Variants in PLCB1 observed in about 807,000 individuals in gnomAD.
The protein encoded by PLCB1 is 1-phosphatidylinositol 4,5-bisphosphate phosphodiesterase beta-1.
A neutral mutation model predicts 161.8 loss-of-function variants in PLCB1; 46 were observed. That is an observed-to-expected ratio of 0.28 (90% CI 0.22 to 0.36). PLCB1 has a LOEUF of 0.36. PLCB1 is among the 10% of genes least tolerant of loss of function. The pLI is 1.00. For synonymous variants in PLCB1, 517 were observed against 503.7 expected (o/e 1.03, Z -0.35); for missense variants, 1,016 against 1,472.5 (o/e 0.69, Z 5.07).
At chr20:8,866,436 C>T (rs966607532) in intron 31 of PLCB1, among the ~76,000 whole-genome samples, 1 of 152,132 alleles carries the variant, frequency 6.6e-6, no homozygotes, top group African/African-American at 2.4e-5. Flanking sequence ...ACTATCAAGT[C>T]CAAAGACAGA....
At chr20:8,355,221 G>A (rs1986326327) in intron 2 of PLCB1, among the ~76,000 whole-genome samples, 1 of 149,722 alleles carries the variant, frequency 6.7e-6, no homozygotes, top group South Asian at 2.1e-4. Flanking sequence ...AGTGGTATTT[G>A]TCTTAAAAAA....
At chr20:8,449,136 TAAGAA>T (rs1440967026) in intron 3 of PLCB1, among the ~76,000 whole-genome samples, 6 of 152,216 alleles carry the variant, frequency 3.9e-5, no homozygotes, top group African/African-American at 1.2e-4. Context: ...TGTTTAGAGA[TAAGAA>T]AATAAAAACA....
At chr20:8,644,526 C>T (rs866869941) in intron 4 of PLCB1, among the ~76,000 whole-genome samples, 439 of 150,892 alleles carry the variant, frequency 2.9e-3, no homozygotes, top group African/African-American at 0.01. Flanking sequence ...GCCCGGCCGC[C>T]CCGTCTGAGA....
rs187895613 is a variant in PLCB1, at chr20:8,372,337, C to T, written c.246+887C>T. Among the ~76,000 whole-genome samples, 1,427 of 152,048 alleles carry T rather than the reference C, an allele frequency of 9.4e-3. 12 individuals carry two copies. The highest frequency in any genetic ancestry group is 0.012 in the Non-Finnish European group (794 of 67,982). On this transcript the variant is annotated intron_variant, in intron 3 of 31. Coordinates refer to ENST00000338037, the MANE Select transcript of PLCB1 (RefSeq NM_015192.4). ...TCTCTGACATTAAAATGATCTGTTG[C>T]TTTGGAGATGCAAGAAAAAAAAATC...
chr20:8,218,268 A>G (rs1979232972), intron 2 of PLCB1, among the ~76,000 whole-genome samples: 1 of 152,100 alleles, frequency 6.6e-6, no homozygotes. Flanking sequence ...AGTGTTAGAG[A>G]TGGGAGTATC....
intron 2 of PLCB1, among the ~76,000 whole-genome samples, chr20:8,297,890 G>T (rs1983709738): frequency 9.8e-6 from 1 of 101,554 alleles, no homozygotes. Flanking sequence ...ATTTCTTTTT[G>T]GGTTTTTTTT....
chr20:8,383,457 C>T lies in PLCB1; in HGVS notation c.246+12007C>T, dbSNP rs141381280. On this transcript the variant is annotated intron_variant, in intron 3 of 31. Coordinates refer to ENST00000338037, the MANE Select transcript of PLCB1 (RefSeq NM_015192.4). ...GCATGTGAGATGGGTCTCCTGAATA[C>T]GGCATACCGATGGGTCTTGACTCTA... Among the ~76,000 whole-genome samples, 376 of 152,196 alleles carry T rather than the reference C, an allele frequency of 2.5e-3. 8 individuals are homozygous for T. The East Asian group carries it at 0.06, about 24-fold the overall frequency.
intron 3 of PLCB1, among the ~76,000 whole-genome samples, chr20:8,477,433 G>C (rs1206629659): frequency 6.6e-6 from 1 of 152,158 alleles, no homozygotes; most frequent in Non-Finnish European, 1.5e-5. Flanking sequence ...TGAGGCATCT[G>C]AAATAGTATA....
intron 9 of PLCB1, among the ~76,000 whole-genome samples, chr20:8,660,006 A>AAAAG (rs1568550065): frequency 6.6e-6 from 1 of 151,426 alleles, no homozygotes; most frequent in African/African-American, 2.4e-5. Context: ...AAAAAAAAAA[A>AAAAG]AAGAAGAAGA....
intron 2 of PLCB1, among the ~76,000 whole-genome samples, chr20:8,260,851 G>A (rs1981651899): frequency 6.6e-6 from 1 of 152,100 alleles, no homozygotes; most frequent in Non-Finnish European, 1.5e-5. Flanking sequence ...ACTCATAGCT[G>A]CCCCCATTCT....
At chr20:8,442,986 G>GTTT (rs962104017) in intron 3 of PLCB1, among the ~76,000 whole-genome samples, 12 of 137,930 alleles carry the variant, frequency 8.7e-5, no homozygotes, top group African/African-American at 2.9e-4. Context: ...TTTTTTTTTT[G>GTTT]TTTTTTTTTT....
intron 2 of PLCB1, among the ~76,000 whole-genome samples, chr20:8,274,975 T>A (rs1454194406): frequency 6.6e-6 from 1 of 152,162 alleles, no homozygotes; most frequent in Non-Finnish European, 1.5e-5. Context: ...TGCCCTTTTT[T>A]AAAAATCTTG....
Position 8,646,141 on chromosome 20 carries a change from C to G in PLCB1, c.424C>G (p.Leu142Val), listed in dbSNP as rs1454928254. Residue 142 changes from leucine to valine, a missense_variant, in exon 5 of 32, where the codon CTG becomes GTG. Leu to Val is a conservative substitution (Grantham distance 32). Transcript: ENST00000338037. ...NEVFSLATNL[L>V]AQNMSRDAFL... ...GGTTTTCAGTTTGGCAACAAACCTGCTGGCCCAAAACATGTCCAGGGATGC... is the reference window on the plus strand; with the variant it reads ...GGTTTTCAGTTTGGCAACAAACCTGGTGGCCCAAAACATGTCCAGGGATGC... The G allele has an allele frequency of 6.2e-7, 1 of 1,613,658 alleles. No homozygotes were observed. Among genetic ancestry groups the G allele is most frequent in the Non-Finnish European group, 8.5e-7 (1 of 1,179,566 alleles).
intron 7 of PLCB1, among the ~76,000 whole-genome samples, chr20:8,654,414 C>T (rs1020158893): frequency 6.6e-6 from 1 of 152,038 alleles, no homozygotes; most frequent in Admixed American, 6.6e-5. Context: ...GACCCAAGGT[C>T]TGGTATCATC....
Position 8,592,469 on chromosome 20 carries a change from C to T in PLCB1, c.247-35825C>T, listed in dbSNP as rs1455390716. On this transcript the variant is annotated intron_variant, in intron 3 of 31. Transcript: ENST00000338037. The stretch of plus-strand genomic sequence containing the variant: ...CTTCATGTGGGACATCATGGGGAAC[C>T]TATTGTTGGCATTTCTGGCCAGCAT... Among the ~76,000 whole-genome samples the T allele has an allele frequency of 2.6e-5, 4 of 152,256 alleles. No homozygotes were observed. In the South Asian group the frequency reaches 6.2e-4, roughly 24 times the overall value.
Position 8,757,197 on chromosome 20 carries a change from G to C in PLCB1, c.2656+19G>C. The C allele has an allele frequency of 6.3e-7, 1 of 1,599,372 alleles. No individual in the cohort carries two copies. The highest frequency in any genetic ancestry group is 1.1e-5 in the South Asian group (1 of 88,728). On this transcript the variant is annotated intron_variant, in intron 24 of 31. Coordinates refer to ENST00000338037, the MANE Select transcript of PLCB1 (RefSeq NM_015192.4). ...GCTCCAGGTAAGCCATCTGGAAAGA[G>C]CTGGACAACATGAGCAAGATCCTCC... is the stretch of plus-strand genomic sequence containing the variant.
At chr20:8,253,207 G>A (rs1245993409) in intron 2 of PLCB1, among the ~76,000 whole-genome samples, 1 of 148,176 alleles carries the variant, frequency 6.7e-6, no homozygotes, top group Non-Finnish European at 1.5e-5. Flanking sequence ...CTTCCCTAAG[G>A]GCATCCTTCA....
rs371822390 is a variant in PLCB1 at position 8,869,232 on chromosome 20, C to T, written c.3424-12390C>T. Among the ~76,000 whole-genome samples, 42 of 152,130 alleles carry T rather than the reference C, an allele frequency of 2.8e-4. 1 individual carries two copies. In the East Asian group the frequency reaches 6.4e-3, roughly 23 times the overall value. On this transcript the variant is annotated intron_variant, in intron 31 of 31. Transcript: ENST00000338037. ...TACTTTAAGTTTTAGGGTACATGTG[C>T]ACAACATGCAGGTTATTTATCATTT...
chr20:8,408,515 T>A lies in PLCB1; in HGVS notation c.246+37065T>A, dbSNP rs73090244. Among the ~76,000 whole-genome samples the A allele has an allele frequency of 0.05, 7,490 of 148,454 alleles. 233 individuals are homozygous for A. Among genetic ancestry groups the A allele is most frequent in the African/African-American group, 0.084 (3,415 of 40,626 alleles). ...ACTGTTCTGAATTGGAAGTTTTTTT[T>A]AAAAAAAAAAATCAGATTATGGCGA... On this transcript the variant is annotated intron_variant, in intron 3 of 31. Transcript: ENST00000338037.
Sources: allele counts gnomAD v4.1 joint callset (sites outside exome capture counted in the v4.1 genomes callset), GRCh38; gene constraint gnomAD v4.1.1; transcripts MANE v1.5; gene names NCBI Gene and HGNC (gene_info 2026-07-23, HGNC 2026-07-21).